Variants in SCFD2 observed in about 807,000 individuals in gnomAD.
The protein encoded by SCFD2 is sec1 family domain-containing protein 2.
A neutral mutation model predicts 58.9 loss-of-function variants in SCFD2; 54 were observed. That is an observed-to-expected ratio of 0.92 (90% CI 0.74 to 1.15). The LOEUF (loss-of-function observed/expected upper bound fraction) is 1.15. SCFD2 is among the 50% of genes most tolerant of loss of function. The pLI is 0.00. For missense variants in SCFD2, 805 were observed against 836.6 expected (o/e 0.96, Z 0.47); for synonymous variants, 321 against 335.9 (o/e 0.96, Z 0.49).
At chr4:53,349,449 G>A (rs1343136762) in intron 2 of SCFD2, among the ~76,000 whole-genome samples, 1 of 152,302 alleles carries the variant, frequency 6.6e-6, no homozygotes, top group Middle Eastern at 3.4e-3. Flanking sequence ...TTCCAGATGT[G>A]AGCAAGATAG....
intron 5 of SCFD2, among the ~76,000 whole-genome samples, chr4:52,965,006 A>G (rs1351077223): frequency 7.3e-6 from 1 of 136,844 alleles, no homozygotes; most frequent in Non-Finnish European, 1.7e-5. Flanking sequence ...TGAATAAAAC[A>G]AAACACAAAC....
At position 52,921,854 on chromosome 4, in the gene SCFD2, AT is replaced by A. The variant is rs1265318329; in HGVS notation, c.1562-985del. Among the ~76,000 whole-genome samples, 7 of 152,210 alleles carry A rather than the reference AT, an allele frequency of 4.6e-5. No homozygotes were observed. The East Asian group carries it at 1.2e-3, about 25-fold the overall frequency. On this transcript the variant is annotated intron_variant, in intron 5 of 8. Coordinates refer to ENST00000401642, the MANE Select transcript of SCFD2 (RefSeq NM_152540.4). ...TAAGGGCTTTCTCTGATGTAGAAGC[AT>A]GTTTGGCTTGTGTATGGGGCAGGCT... is the stretch of plus-strand genomic sequence containing the variant.
intron 5 of SCFD2, among the ~76,000 whole-genome samples, chr4:53,024,514 G>A (rs1243222945): frequency 2.0e-5 from 3 of 152,138 alleles, no homozygotes; most frequent in Non-Finnish European, 4.4e-5. Flanking sequence ...ATGAATAAAT[G>A]GTAGGCTAAG....
intron 5 of SCFD2, among the ~76,000 whole-genome samples, chr4:52,966,343 A>T (rs543175678): frequency 6.6e-6 from 1 of 152,342 alleles, no homozygotes; most frequent in East Asian, 1.9e-4. Context: ...AGCACAGGTC[A>T]CTTGATGACC....
At chr4:53,314,327 GT>G (rs1294040511) in intron 2 of SCFD2, among the ~76,000 whole-genome samples, 1 of 152,178 alleles carries the variant, frequency 6.6e-6, no homozygotes, top group African/African-American at 2.4e-5. Context: ...TGGGCCTTAG[GT>G]TGGAAGGATG....
intron 5 of SCFD2, among the ~76,000 whole-genome samples, chr4:52,944,644 T>C (rs1720378714): frequency 6.6e-6 from 1 of 152,256 alleles, no homozygotes; most frequent in Admixed American, 6.5e-5. Context: ...CAAAACTGCC[T>C]GGTCTCTCTT....
At chr4:53,236,649 T>C (rs1367269748) in intron 4 of SCFD2, among the ~76,000 whole-genome samples, 1 of 148,966 alleles carries the variant, frequency 6.7e-6, no homozygotes, top group African/African-American at 2.5e-5. Context: ...GTCTGGCATG[T>C]TTTTTTTTAA....
chr4:53,235,068 A>T (rs1326032260), intron 4 of SCFD2, among the ~76,000 whole-genome samples: 1 of 152,228 alleles, frequency 6.6e-6, no homozygotes, highest in Non-Finnish European at 1.5e-5. Flanking sequence ...GCTGCATTTC[A>T]GCAAGCAGGA....
intron 5 of SCFD2, among the ~76,000 whole-genome samples, chr4:53,006,867 G>A (rs868383519): frequency 6.6e-6 from 1 of 152,248 alleles, no homozygotes; most frequent in Non-Finnish European, 1.5e-5. Flanking sequence ...CAAGTGAAGG[G>A]CATGGACCCC....
chr4:53,337,786 G>T (rs1459988662), intron 2 of SCFD2, among the ~76,000 whole-genome samples: 2 of 152,244 alleles, frequency 1.3e-5, no homozygotes, highest in Admixed American at 6.5e-5. Context: ...TATGCCTAGT[G>T]AAAGAATCCT....
At chr4:52,875,685 A>T (rs1459684447) in intron 8 of SCFD2, among the ~76,000 whole-genome samples, 1 of 151,442 alleles carries the variant, frequency 6.6e-6, no homozygotes, top group Admixed American at 6.6e-5. Flanking sequence ...GAGAGAAGGA[A>T]GTATTTCTTG....
At chr4:53,148,475 A>G (rs1726404444) in intron 4 of SCFD2, among the ~76,000 whole-genome samples, 1 of 152,208 alleles carries the variant, frequency 6.6e-6, no homozygotes, top group Admixed American at 6.5e-5. Flanking sequence ...ATGGTGGAAT[A>G]AACAGACTCT....
At chr4:53,181,743 A>ATATC (rs1225526513) in intron 4 of SCFD2, among the ~76,000 whole-genome samples, 3 of 152,206 alleles carry the variant, frequency 2.0e-5, no homozygotes, top group African/African-American at 7.2e-5. Flanking sequence ...ACATGATTGA[A>ATATC]TATCTAGAAA....
chr4:52,920,734 A>C lies in SCFD2; in HGVS notation c.1698T>G (p.His566Gln). ...QFKSVYVPGN[H>Q]THQASYKPLL... Reference sequence around the variant, plus strand: ...AAACGTATATACTTGCCTGGTGGGTATGATTTCCAGGAACATATACAGACT... The same window carrying C: ...AAACGTATATACTTGCCTGGTGGGTCTGATTTCCAGGAACATATACAGACT... Residue 566 changes from histidine (H) to glutamine (Q), a missense_variant, in exon 6 of 9, where the codon CAT becomes CAG. Physicochemically the swap from His to Gln is conservative, Grantham distance 24. Transcript: ENST00000401642. The C allele has an allele frequency of 6.2e-7, 1 of 1,602,502 alleles. No individual in the cohort carries two copies. Among genetic ancestry groups the C allele is most frequent in the South Asian group, 1.1e-5 (1 of 89,450 alleles).
chr4:53,096,628 G>A (rs1414612977), intron 5 of SCFD2, among the ~76,000 whole-genome samples: 5 of 152,346 alleles, frequency 3.3e-5, no homozygotes, highest in African/African-American at 9.6e-5. Context: ...TTTGTCAGAT[G>A]AGTAGATTGC....
At chr4:53,298,372 C>T (rs777697939) in intron 3 of SCFD2, among the ~76,000 whole-genome samples, 6 of 152,152 alleles carry the variant, frequency 3.9e-5, no homozygotes, top group South Asian at 2.1e-4. Flanking sequence ...TGAGATCAAA[C>T]GGCAAGGCAG....
chr4:53,149,539 A>G (rs1012911389), intron 4 of SCFD2, among the ~76,000 whole-genome samples: 9 of 152,228 alleles, frequency 5.9e-5, no homozygotes, highest in African/African-American at 1.7e-4. Flanking sequence ...TAACCTATGT[A>G]GATACTTTTA....
At chr4:52,940,462 C>T in intron 5 of SCFD2, among the ~76,000 whole-genome samples, 1 of 152,198 alleles carries the variant, frequency 6.6e-6, no homozygotes, top group East Asian at 1.9e-4. Context: ...GTAAGTCCCA[C>T]ATTAGAAATT....
intron 5 of SCFD2, among the ~76,000 whole-genome samples, chr4:53,006,938 A>G (rs543738935): frequency 6.6e-6 from 1 of 152,084 alleles, no homozygotes; most frequent in African/African-American, 2.4e-5. Context: ...ATGGATCCCA[A>G]CAGCCAGATC....
Sources: gnomAD v4.1 joint callset for allele counts (sites outside exome capture counted in the v4.1 genomes callset) on GRCh38, gnomAD v4.1.1 for gene constraint, MANE v1.5 for transcripts, NCBI Gene and HGNC (gene_info 2026-07-23, HGNC 2026-07-21) for gene names.